The following SNTG1 variants were observed in gnomAD, a reference collection of about 807,000 sequenced individuals.
SNTG1 encodes syntrophin gamma 1, also known as gamma-1-syntrophin.
SNTG1 carries 39 observed loss-of-function variants against 74.7 expected under a neutral mutation model. That is an observed-to-expected ratio of 0.52 (90% CI 0.40 to 0.68). The LOEUF is 0.68. Among genes scored for constraint, SNTG1 ranks in the 30% least tolerant of loss-of-function variants. SNTG1 has a pLI of 0.00. For synonymous variants in SNTG1, 254 were observed against 217.1 expected (o/e 1.17, Z -1.49); for missense variants, 685 against 609.5 (o/e 1.12, Z -1.30).
intron 1 of SNTG1, among the ~76,000 whole-genome samples, chr8:50,026,293 A>C (rs557299247): frequency 6.6e-6 from 1 of 152,284 alleles, no homozygotes; most frequent in East Asian, 1.9e-4. Context: ...TTGACTATTT[A>C]GTTCAGGGTT....
chr8:50,651,735 G>C (rs1044290674), intron 13 of SNTG1, among the ~76,000 whole-genome samples: 1 of 151,504 alleles, frequency 6.6e-6, no homozygotes, highest in Non-Finnish European at 1.5e-5. Flanking sequence ...GAGATTACAG[G>C]TATAAACCAC....
intron 9 of SNTG1, among the ~76,000 whole-genome samples, chr8:50,528,306 C>T (rs2094238694): frequency 6.6e-6 from 1 of 151,922 alleles, no homozygotes; most frequent in African/African-American, 2.4e-5. Context: ...GATAGAGGAG[C>T]ACATCTATTC....
chr8:50,443,097 C>T (rs911621048), intron 5 of SNTG1, among the ~76,000 whole-genome samples: 4 of 152,188 alleles, frequency 2.6e-5, no homozygotes, highest in Admixed American at 2.0e-4. Context: ...ATTTCTGCAT[C>T]GTAGGATCCA....
intron 2 of SNTG1, among the ~76,000 whole-genome samples, chr8:50,337,270 T>C (rs2091172455): frequency 6.6e-6 from 1 of 152,168 alleles, no homozygotes; most frequent in Non-Finnish European, 1.5e-5. Context: ...CACAGCTTAC[T>C]AGGAGCAGAA....
At chr8:50,364,879 A>G (rs1020230681) in intron 2 of SNTG1, among the ~76,000 whole-genome samples, 9 of 152,078 alleles carry the variant, frequency 5.9e-5, no homozygotes, top group Non-Finnish European at 1.0e-4. Context: ...TGTGTTTTGG[A>G]AAAAGCTGAG....
At chr8:50,073,332 A>G (rs1821541255) in intron 1 of SNTG1, among the ~76,000 whole-genome samples, 1 of 152,164 alleles carries the variant, frequency 6.6e-6, no homozygotes, top group African/African-American at 2.4e-5. Flanking sequence ...TCATACATTC[A>G]AGTTTTATCA....
Position 49,965,542 on chromosome 8 carries a change from C to T in SNTG1, c.-103+53311C>T, listed in dbSNP as rs940758924. ...AGTGGAAGCTCAAGAGAATCCTGCT[C>T]TGGACACCAGGACAATAGTCTCTAG... is the stretch of plus-strand genomic sequence containing the variant. On this transcript the variant is annotated intron_variant, in intron 1 of 18. Coordinates refer to ENST00000642720, the MANE Select transcript of SNTG1 (RefSeq NM_018967.5). 2.0e-5 allele frequency among the ~76,000 whole-genome samples: 3 copies of T among 152,122 alleles called. No homozygotes were observed. In the East Asian group the frequency reaches 5.8e-4, roughly 29 times the overall value.
chr8:50,030,746 CATA>C (rs1563496475), intron 1 of SNTG1, among the ~76,000 whole-genome samples: 3 of 152,044 alleles, frequency 2.0e-5, no homozygotes, highest in African/African-American at 7.2e-5. Context: ...CTGATTAGTG[CATA>C]ATATTTTTTT....
chr8:50,240,471 G>A lies in SNTG1; in HGVS notation c.-28+67836G>A, dbSNP rs186130901. ...ACATTTGAAATAATTTAAATTTTAC[G>A]AACCATCATGAATCCTGAACTCTAC... On this transcript the variant is annotated intron_variant, in intron 2 of 18. Transcript: ENST00000642720. Among the ~76,000 whole-genome samples, 451 of 152,132 alleles carry A rather than the reference G, an allele frequency of 3.0e-3. 1 individual carries two copies. Among genetic ancestry groups the A allele is most frequent in the African/African-American group, 0.01 (427 of 41,524 alleles).
At chr8:50,188,116 C>T (rs1235175654) in intron 2 of SNTG1, among the ~76,000 whole-genome samples, 1 of 152,096 alleles carries the variant, frequency 6.6e-6, no homozygotes, top group Admixed American at 6.6e-5. Flanking sequence ...TCTACTGAAT[C>T]CACTTATTGA....
chr8:50,151,807 G>T (rs112834383), intron 1 of SNTG1, among the ~76,000 whole-genome samples: 42,024 of 152,012 alleles, frequency 0.28, 5,920 homozygotes, highest in Middle Eastern at 0.4. Context: ...TTTTACATTT[G>T]CTAAGGAGTG....
chr8:50,251,679 A>C (rs1002247612), intron 2 of SNTG1, among the ~76,000 whole-genome samples: 12 of 152,042 alleles, frequency 7.9e-5, no homozygotes, highest in Non-Finnish European at 1.6e-4. Flanking sequence ...ATTTACAACA[A>C]TTATGAATAT....
chr8:50,734,708 C>CTATATATGGACATTATATATCTA (rs2095521408), intron 17 of SNTG1, among the ~76,000 whole-genome samples: 1 of 143,228 alleles, frequency 7.0e-6, no homozygotes, highest in Non-Finnish European at 1.5e-5. Context: ...ATATATCTCT[C>CTATATATGGACATTATATATCTA]TATATATGGA....
At chr8:50,174,563 T>C (rs902864344) in intron 2 of SNTG1, among the ~76,000 whole-genome samples, 1 of 152,168 alleles carries the variant, frequency 6.6e-6, no homozygotes, top group Non-Finnish European at 1.5e-5. Context: ...AAAATAACCC[T>C]TTCTAACGCA....
intron 8 of SNTG1, among the ~76,000 whole-genome samples, chr8:50,472,768 A>G (rs1245580221): frequency 6.6e-6 from 1 of 152,152 alleles, no homozygotes; most frequent in Non-Finnish European, 1.5e-5. Flanking sequence ...TGTAAATCAT[A>G]TATCTGATAA....
chr8:50,774,755 G>T (rs542438284), intron 18 of SNTG1, among the ~76,000 whole-genome samples: 16 of 151,632 alleles, frequency 1.1e-4, no homozygotes, highest in Non-Finnish European at 1.9e-4. Context: ...TTATATCACT[G>T]TGTCTTTGGG....
At chr8:50,092,220 T>C (rs2079766632) in intron 1 of SNTG1, among the ~76,000 whole-genome samples, 1 of 152,164 alleles carries the variant, frequency 6.6e-6, no homozygotes, top group South Asian at 2.1e-4. Flanking sequence ...TACGTGGGGA[T>C]GAATCAATGT....
In SNTG1 at chr8:50,309,017, A is replaced by T. The variant is rs564226105; in HGVS notation, c.-27-85195A>T. Among the ~76,000 whole-genome samples the T allele has an allele frequency of 5.3e-5, 8 of 152,276 alleles. No individual in the cohort carries two copies. In the East Asian group the frequency reaches 1.5e-3, roughly 29 times the overall value. The stretch of plus-strand genomic sequence containing the variant: ...GAAAGGCTTTCCTGATAGAACACAA[A>T]TGTGTCTTCCCAAATTCTAGGCATT... On this transcript the variant is annotated intron_variant, in intron 2 of 18. Coordinates refer to ENST00000642720, the MANE Select transcript of SNTG1 (RefSeq NM_018967.5).
At chr8:50,204,808 C>A (rs1034240127) in intron 2 of SNTG1, among the ~76,000 whole-genome samples, 3 of 151,934 alleles carry the variant, frequency 2.0e-5, no homozygotes, top group African/African-American at 7.3e-5. Context: ...CTATGAGTGA[C>A]AACATGCGGT....
Sources: allele counts gnomAD v4.1 joint callset (sites outside exome capture counted in the v4.1 genomes callset), GRCh38; gene constraint gnomAD v4.1.1; transcripts MANE v1.5; gene names NCBI Gene and HGNC (gene_info 2026-07-23, HGNC 2026-07-21).